The following FGF12 variants were observed in gnomAD, a reference collection of about 807,000 sequenced individuals.
FGF12 encodes the protein fibroblast growth factor 12, also known as fibroblast growth factor 12B.
Under a neutral mutation model 23.6 loss-of-function variants are expected in FGF12, and 14 were observed. That is an observed-to-expected ratio of 0.59 (90% CI 0.39 to 0.93). The LOEUF (loss-of-function observed/expected upper bound fraction) is 0.93, where lower values mean the gene tolerates loss of function less well. FGF12 is among the 40% of genes least tolerant of loss of function. The pLI, the probability that FGF12 is intolerant of heterozygous loss-of-function variation, is 0.00. For missense variants in FGF12, 175 were observed against 217.8 expected (o/e 0.80, Z 1.24); for synonymous variants, 62 against 77.3 (o/e 0.80, Z 1.04).
chr3:192,495,915 G>A (rs9833247), intron 2 of FGF12, among the ~76,000 whole-genome samples: 125,027 of 152,078 alleles, frequency 0.82, 52,278 homozygotes, highest in Non-Finnish European at 0.9. Context: ...CACCCATCCC[G>A]GCCTCCCAAA....
chr3:192,197,223 T>C (rs1459714452), intron 4 of FGF12, among the ~76,000 whole-genome samples: 1 of 152,216 alleles, frequency 6.6e-6, no homozygotes, highest in Admixed American at 6.5e-5. Flanking sequence ...TGTTTTACAC[T>C]CTGTATTCTT....
At chr3:192,706,757 A>G (rs987712403) in intron 2 of FGF12, among the ~76,000 whole-genome samples, 6 of 152,184 alleles carry the variant, frequency 3.9e-5, no homozygotes, top group Non-Finnish European at 7.3e-5. Flanking sequence ...TTGAACCCTG[A>G]CCTTTTTACA....
chr3:192,582,594 T>C (rs1182803584), intron 2 of FGF12, among the ~76,000 whole-genome samples: 2 of 152,028 alleles, frequency 1.3e-5, no homozygotes, highest in African/African-American at 4.8e-5. Context: ...GGAGCTAAAC[T>C]GACTTGAATA....
chr3:192,637,309 ACT>A (rs2108661397), intron 2 of FGF12, among the ~76,000 whole-genome samples: 1 of 152,198 alleles, frequency 6.6e-6, no homozygotes, highest in South Asian at 2.1e-4. Context: ...CAGTGCTTTC[ACT>A]CATATTTCCT....
At chr3:192,718,161 C>CTTTTT (rs71177369) in intron 2 of FGF12, among the ~76,000 whole-genome samples, 1,315 of 77,450 alleles carry the variant, frequency 0.017, 15 homozygotes, top group African/African-American at 0.032. Context: ...GTTAGTCTTT[C>CTTTTT]TTTTTTTTTT....
At chr3:192,667,937 T>C (rs539153559) in intron 2 of FGF12, among the ~76,000 whole-genome samples, 3 of 152,322 alleles carry the variant, frequency 2.0e-5, no homozygotes, top group African/African-American at 7.2e-5. Flanking sequence ...GTAAAAATTA[T>C]CATTAGTTTT....
chr3:192,610,429 A>G (rs1027058474), intron 2 of FGF12, among the ~76,000 whole-genome samples: 4 of 152,082 alleles, frequency 2.6e-5, no homozygotes, highest in African/African-American at 9.7e-5. Flanking sequence ...CAGTCTTGTT[A>G]TATTGGTCCA....
chr3:192,639,271 G>A (rs1715702480), intron 2 of FGF12, among the ~76,000 whole-genome samples: 1 of 152,188 alleles, frequency 6.6e-6, no homozygotes, highest in Admixed American at 6.5e-5. Context: ...ACACCTATGA[G>A]GATGGCTATT....
chr3:192,423,727 C>A (rs114301214), intron 2 of FGF12, among the ~76,000 whole-genome samples: 1 of 152,090 alleles, frequency 6.6e-6, no homozygotes, highest in Non-Finnish European at 1.5e-5. Flanking sequence ...CCTGATTCTA[C>A]GATCAGTGGT....
At chr3:192,337,342 A>G (rs1419414195) in intron 3 of FGF12, among the ~76,000 whole-genome samples, 1 of 152,158 alleles carries the variant, frequency 6.6e-6, no homozygotes, top group Non-Finnish European at 1.5e-5. Context: ...AGCCAAGAAC[A>G]GAAAACATTT....
At chr3:192,407,091 T>A (rs904213585) in intron 2 of FGF12, among the ~76,000 whole-genome samples, 1 of 152,186 alleles carries the variant, frequency 6.6e-6, no homozygotes, top group Non-Finnish European at 1.5e-5. Context: ...CTGGGTACAC[T>A]GGCCTGGCTT....
chr3:192,385,951 A>C (rs938095844), intron 2 of FGF12, among the ~76,000 whole-genome samples: 1 of 152,218 alleles, frequency 6.6e-6, no homozygotes, highest in African/African-American at 2.4e-5. Flanking sequence ...AGTCCAGGAC[A>C]AAGGCCCCTA....
chr3:192,400,778 A>G (rs9870462), intron 2 of FGF12, among the ~76,000 whole-genome samples: 2,757 of 152,234 alleles, frequency 0.018, 77 homozygotes, highest in African/African-American at 0.062. Context: ...GCAATTCACT[A>G]TGGAATAGTT....
intron 2 of FGF12, among the ~76,000 whole-genome samples, chr3:192,658,063 A>G (rs6809430): frequency 0.56 from 85,111 of 151,592 alleles, 24,307 homozygotes; most frequent in East Asian, 0.67. Context: ...AAAAAACAGT[A>G]CACTGACAGA....
At chr3:192,572,162 C>T (rs1184869736) in intron 2 of FGF12, among the ~76,000 whole-genome samples, 1 of 152,136 alleles carries the variant, frequency 6.6e-6, no homozygotes, top group East Asian at 1.9e-4. Flanking sequence ...TGTTTTCCTT[C>T]CTCTTTGTTT....
At chr3:192,477,041 G>A (rs943312829) in intron 2 of FGF12, among the ~76,000 whole-genome samples, 1 of 152,164 alleles carries the variant, frequency 6.6e-6, no homozygotes, top group Admixed American at 6.5e-5. Flanking sequence ...ACTACAGGGA[G>A]CAGGTAGGAA....
intron 2 of FGF12, among the ~76,000 whole-genome samples, chr3:192,523,035 C>CT (rs1724860486): frequency 1.3e-5 from 2 of 152,244 alleles, no homozygotes; most frequent in South Asian, 4.1e-4. Flanking sequence ...TATGCATATT[C>CT]TTCAAAATAA....
intron 4 of FGF12, among the ~76,000 whole-genome samples, chr3:192,245,234 C>A (rs1711510827): frequency 7.3e-6 from 1 of 136,562 alleles, no homozygotes. Flanking sequence ...TAGCTAAGAC[C>A]ATGAGCACAT....
chr3:192,718,357 C>T lies in FGF12; in HGVS notation c.13+8824G>A, dbSNP rs182298801. Among the ~76,000 whole-genome samples the T allele has an allele frequency of 9.4e-4, 142 of 151,822 alleles. 2 individuals are homozygous for T. The highest frequency in any genetic ancestry group is 2.1e-4 in the Non-Finnish European group (14 of 67,902). On this transcript the variant is annotated intron_variant, in intron 2 of 5. Transcript: ENST00000445105. ...ATGTACAATCTGCTAAGCAAAAATGCCATCAAGTTCGCCAAAAGAGATAGG... is the reference window on the plus strand; with the variant it reads ...ATGTACAATCTGCTAAGCAAAAATGTCATCAAGTTCGCCAAAAGAGATAGG...
Sources: gnomAD v4.1 joint callset for allele counts (sites outside exome capture counted in the v4.1 genomes callset) on GRCh38, gnomAD v4.1.1 for gene constraint, MANE v1.5 for transcripts, NCBI Gene and HGNC (gene_info 2026-07-23, HGNC 2026-07-21) for gene names.